The following INPP5A variants were observed in gnomAD, a reference collection of about 807,000 sequenced individuals.
INPP5A encodes the protein inositol polyphosphate-5-phosphatase A, also known as 43 kDa inositol polyphosphate 5-phophatase.
INPP5A carries 14 observed loss-of-function variants against 65.2 expected under a neutral mutation model. That is an observed-to-expected ratio of 0.21 (90% confidence interval 0.14 to 0.34). The LOEUF (loss-of-function observed/expected upper bound fraction) is 0.34, where lower values mean the gene tolerates loss of function less well. Among genes scored for constraint, INPP5A ranks in the 10% least tolerant of loss-of-function variants. The pLI is 1.00. For synonymous variants in INPP5A, 207 were observed against 208.3 expected (o/e 0.99, Z 0.05); for missense variants, 431 against 545.6 (o/e 0.79, Z 2.09).
intron 11 of INPP5A, among the ~76,000 whole-genome samples, chr10:132,765,557 A>G (rs1041401263): frequency 2.0e-5 from 3 of 152,154 alleles, no homozygotes; most frequent in African/African-American, 7.2e-5. Flanking sequence ...GGCAGAGCAC[A>G]TCTATAACGG....
At chr10:132,579,654 T>C (rs999913603) in intron 1 of INPP5A, among the ~76,000 whole-genome samples, 2 of 152,154 alleles carry the variant, frequency 1.3e-5, no homozygotes, top group Non-Finnish European at 2.9e-5. Flanking sequence ...TCCCCGGCCA[T>C]CCTGCCCTGT....
rs2073062099 is a variant in INPP5A at position 132,682,652 on chromosome 10, G to C, written c.307-7740G>C. Reference sequence around the variant, plus strand: ...GAGGGCATGTGTCTGTGGTGACCCAGCAAGGCCATCTGTGTATTATATACA... The same window carrying C: ...GAGGGCATGTGTCTGTGGTGACCCACCAAGGCCATCTGTGTATTATATACA... On this transcript the variant is annotated intron_variant, in intron 4 of 15. Transcript: ENST00000368594. Among the ~76,000 whole-genome samples, 3 of 152,378 alleles carry C rather than the reference G, an allele frequency of 2.0e-5. No individual in the cohort carries two copies. The South Asian group carries it at 6.2e-4, about 32-fold the overall frequency.
At chr10:132,639,649 GT>G (rs1554938880) in intron 2 of INPP5A, among the ~76,000 whole-genome samples, 1 of 152,190 alleles carries the variant, frequency 6.6e-6, no homozygotes, top group Non-Finnish European at 1.5e-5. Context: ...TTTGGCCGTT[GT>G]TTTTTCCAAG....
Position 132,697,969 on chromosome 10 carries a change from A to C in INPP5A, c.474+50A>C, listed in dbSNP as rs1845373184. 1 of 1,240,382 alleles carries C rather than the reference A, an allele frequency of 8.1e-7. No homozygotes were observed. Among genetic ancestry groups the C allele is most frequent in the Non-Finnish European group, 1.2e-6 (1 of 846,744 alleles). The allele number at this position is 1,240,382 out of a possible 1,614,324, so 76.8% of individuals were successfully genotyped here. A position where few individuals can be genotyped will look rare whatever the true frequency, so the allele number is the denominator to read the frequency against. On this transcript the variant is annotated intron_variant, in intron 6 of 15. Coordinates refer to ENST00000368594, the MANE Select transcript of INPP5A (RefSeq NM_005539.5). This position sits in a 1 kb window ranked among gnomAD's most constrained non-coding sequence, Gnocchi z 5.6. ...ACGTGTTTACTTCTCAGAGTGAGCC[A>C]GTCAGAAGTGACATGGAACACGGAA...
Position 132,551,990 on chromosome 10 carries a change from G to GGCC in INPP5A, c.75+13820_75+13822dup, listed in dbSNP as rs1326309379. Among the ~76,000 whole-genome samples the GGCC allele has an allele frequency of 6.6e-6, 1 of 152,252 alleles. No individual in the cohort carries two copies. The highest frequency in any genetic ancestry group is 2.4e-5 in the African/African-American group (1 of 41,470). On this transcript the variant is annotated intron_variant, in intron 1 of 15. Transcript: ENST00000368594. The surrounding 1 kb of genome is among the most constrained non-coding windows in gnomAD (Gnocchi z 5.3). ...TGCTGAGTCTGTTGGTGGAGCAGGAGGCCCAAGGACCAGGAGAGCTTCTGT... is the reference window on the plus strand; with the variant it reads ...TGCTGAGTCTGTTGGTGGAGCAGGAGGCCGCCCAAGGACCAGGAGAGCTTCTGT...
intron 4 of INPP5A, among the ~76,000 whole-genome samples, chr10:132,689,586 G>A (rs970331041): frequency 6.6e-6 from 1 of 152,204 alleles, no homozygotes; most frequent in African/African-American, 2.4e-5. Flanking sequence ...AGTTGCACCA[G>A]GCCCCGTGTT....
intron 2 of INPP5A, among the ~76,000 whole-genome samples, chr10:132,639,477 CT>C (rs1451401076): frequency 6.6e-6 from 1 of 152,122 alleles, no homozygotes; most frequent in African/African-American, 2.4e-5. Context: ...ATTAATACAT[CT>C]TTGTTTTTCC....
At chr10:132,539,884 T>C (rs1446222264) in intron 1 of INPP5A, among the ~76,000 whole-genome samples, 1 of 152,216 alleles carries the variant, frequency 6.6e-6, no homozygotes. Context: ...AAAGGCGCTG[T>C]TTTTCTGTTT....
intron 1 of INPP5A, among the ~76,000 whole-genome samples, chr10:132,586,682 G>A (rs1437741851): frequency 6.6e-6 from 1 of 152,272 alleles, no homozygotes; most frequent in Non-Finnish European, 1.5e-5. Context: ...GCCTCGTGGT[G>A]ATGGCGCTGC....
rs148421579 is a variant in INPP5A at position 132,678,233 on chromosome 10, C to T, written c.307-12159C>T. 1.6e-3 allele frequency among the ~76,000 whole-genome samples: 240 copies of T among 152,264 alleles called. No individual in the cohort carries two copies. Among genetic ancestry groups the T allele is most frequent in the Non-Finnish European group, 2.3e-3 (156 of 68,030 alleles). On this transcript the variant is annotated intron_variant, in intron 4 of 15. Transcript: ENST00000368594. The surrounding 1 kb of genome is among the most constrained non-coding windows in gnomAD (Gnocchi z 4.1). Reference sequence around the variant, plus strand: ...TGGGGGTGGCACTGGGGGAAGTGGGCAGTAGTGAGGACGCCGCCTTGTCCA... The same window carrying T: ...TGGGGGTGGCACTGGGGGAAGTGGGTAGTAGTGAGGACGCCGCCTTGTCCA...
intron 8 of INPP5A, among the ~76,000 whole-genome samples, chr10:132,724,299 C>T (rs1436562264): frequency 1.3e-5 from 2 of 152,138 alleles, no homozygotes; most frequent in East Asian, 1.9e-4. Context: ...ATTGACCGTC[C>T]GCTTGGGAAA....
At chr10:132,649,450 G>T (rs956467790) in intron 3 of INPP5A, among the ~76,000 whole-genome samples, 1 of 152,042 alleles carries the variant, frequency 6.6e-6, no homozygotes, top group African/African-American at 2.4e-5. Flanking sequence ...CAGACATTGC[G>T]AATGTTACGT....
chr10:132,679,475 C>T (rs1020890852), intron 4 of INPP5A, among the ~76,000 whole-genome samples: 1 of 151,964 alleles, frequency 6.6e-6, no homozygotes, highest in Non-Finnish European at 1.5e-5. Flanking sequence ...ACGGGCCACC[C>T]CAGCGGGAGG....
At chr10:132,611,717 C>T (rs1186349739) in intron 2 of INPP5A, among the ~76,000 whole-genome samples, 1 of 131,840 alleles carries the variant, frequency 7.6e-6, no homozygotes, top group Non-Finnish European at 1.6e-5. Flanking sequence ...GAGGCCCTGT[C>T]CAGGGAGGGT....
At chr10:132,669,346 C>G (rs1451071692) in intron 4 of INPP5A, among the ~76,000 whole-genome samples, 1 of 152,192 alleles carries the variant, frequency 6.6e-6, no homozygotes, top group Non-Finnish European at 1.5e-5. Context: ...GCCAGGCCTT[C>G]CCTGTGAGGC....
rs1395865254 is a variant in INPP5A, at chr10:132,650,191, T to G, written c.219-227T>G. Among the ~76,000 whole-genome samples the G allele has an allele frequency of 6.6e-6, 1 of 152,200 alleles. No homozygotes were observed. Among genetic ancestry groups the G allele is most frequent in the Non-Finnish European group, 1.5e-5 (1 of 68,022 alleles). On this transcript the variant is annotated intron_variant, in intron 3 of 15. Transcript: ENST00000368594. The surrounding 1 kb of genome is among the most constrained non-coding windows in gnomAD (Gnocchi z 5.5). ...AGACCCCGGCATCTCACAGGCTGCG[T>G]GGAGACCAGAGCCTGTGGGAGCTTG... is the stretch of plus-strand genomic sequence containing the variant.
Position 132,753,423 on chromosome 10 carries a change from A to G in INPP5A, c.903+3578A>G, listed in dbSNP as rs1479226594. On this transcript the variant is annotated intron_variant, in intron 11 of 15. Coordinates refer to ENST00000368594, the MANE Select transcript of INPP5A (RefSeq NM_005539.5). The surrounding 1 kb of genome is among the most constrained non-coding windows in gnomAD (Gnocchi z 5.3). Reference sequence around the variant, plus strand: ...CCGGTCTTGTACCCGTCTGACAGAAATTTAATTCAGGCTGGCTCCTGAAAA... The same window carrying G: ...CCGGTCTTGTACCCGTCTGACAGAAGTTTAATTCAGGCTGGCTCCTGAAAA... Among the ~76,000 whole-genome samples the G allele has an allele frequency of 2.6e-5, 4 of 152,214 alleles. No homozygotes were observed. Among genetic ancestry groups the G allele is most frequent in the African/African-American group, 9.7e-5 (4 of 41,442 alleles).
At chr10:132,632,948 G>A (rs573024909) in intron 2 of INPP5A, among the ~76,000 whole-genome samples, 1 of 152,318 alleles carries the variant, frequency 6.6e-6, no homozygotes, top group South Asian at 2.1e-4. Flanking sequence ...TTCACACCTC[G>A]GAAGGGCAGT....
chr10:132,684,627 T>G (rs2073092345), intron 4 of INPP5A, among the ~76,000 whole-genome samples: 1 of 152,226 alleles, frequency 6.6e-6, no homozygotes, highest in Admixed American at 6.5e-5. Flanking sequence ...TTCTCATTTC[T>G]CCTGTATTAC....
Sources: gnomAD v4.1 joint callset for allele counts (sites outside exome capture counted in the v4.1 genomes callset) on GRCh38, gnomAD v4.1.1 for gene constraint, Gnocchi (gnomAD v3.1) non-coding constraint, MANE v1.5 for transcripts, NCBI Gene and HGNC (gene_info 2026-07-23, HGNC 2026-07-21) for gene names.